The following AR variants were observed in gnomAD, a reference collection of about 807,000 sequenced individuals.
The protein encoded by AR is dihydrotestosterone receptor.
Under a neutral mutation model 53.9 loss-of-function variants are expected in AR, and 8 were observed. The ratio of observed to expected loss-of-function variants is 0.15; its 90% CI spans 0.09 to 0.27. The LOEUF (loss-of-function observed/expected upper bound fraction) is 0.27. Ranked by LOEUF, AR falls within the 10% of genes least tolerant of loss-of-function variation. The pLI is 1.00. For missense variants in AR, 639 were observed against 742.5 expected, an observed-to-expected ratio of 0.86 and a Z score of 1.62; for synonymous variants, 359 against 316.4, an observed-to-expected ratio of 1.13 and a Z score of -1.43.
intron 4 of AR, among the ~76,000 whole-genome samples, chrX:67,715,740 C>T (rs1445582468): frequency 1.8e-5 from 2 of 112,080 alleles, no homozygotes; most frequent in Non-Finnish European, 3.8e-5. Context: ...AAATAAGTGC[C>T]ACATCACCTA....
chrX:67,723,905 A>G lies in AR; in HGVS notation c.*64A>G. 1.7e-6 allele frequency: 2 copies of G among 1,167,708 alleles called. No homozygotes were observed. The highest frequency in any genetic ancestry group is 2.2e-5 in the Admixed American group (1 of 45,947). Reference sequence around the variant, plus strand: ...CCCTTTCAGATGTCTTCTGCCTGTTATAACTCTGCACTACTCCTCTGCAGT... The same window carrying G: ...CCCTTTCAGATGTCTTCTGCCTGTTGTAACTCTGCACTACTCCTCTGCAGT... On this transcript the variant is annotated 3_prime_UTR_variant, in exon 8 of 8. Transcript: ENST00000374690.
rs773313820 is a variant in AR, at chrX:67,589,269, C to CA, written c.1616+42525dup. ...TGGGCGACAGAGCGAGACTCCGTCTCAAAAAAAAAAAAAAAAAAGAAGTCC... is the reference window on the plus strand; with the variant it reads ...TGGGCGACAGAGCGAGACTCCGTCTCAAAAAAAAAAAAAAAAAAAGAAGTCC... On this transcript the variant is annotated intron_variant, in intron 1 of 7. Transcript: ENST00000374690. Among the ~76,000 whole-genome samples the CA allele has an allele frequency of 8.9e-3, 365 of 40,891 alleles. 3 individuals are homozygous for CA. The highest frequency in any genetic ancestry group is 0.026 in the East Asian group (33 of 1,280). 35.5% of individuals were successfully genotyped at this position (40,891 alleles called of 115,157 possible). A position where few individuals can be genotyped will look rare whatever the true frequency, so the allele number is the denominator to read the frequency against.
chrX:67,704,599 C>T (rs1207424306), intron 3 of AR, among the ~76,000 whole-genome samples: 5 of 111,615 alleles, frequency 4.5e-5, no homozygotes. Context: ...TGTAGGTTGC[C>T]TGTTCACTCT....
At chrX:67,574,452 G>A (rs1921959214) in intron 1 of AR, among the ~76,000 whole-genome samples, 1 of 110,689 alleles carries the variant, frequency 9.0e-6, no homozygotes, top group African/African-American at 3.3e-5. Context: ...GTTTGAACGT[G>A]TGCAGTCTCT....
intron 1 of AR, among the ~76,000 whole-genome samples, chrX:67,630,565 C>A (rs1218543993): frequency 9.1e-6 from 1 of 109,762 alleles, no homozygotes; most frequent in Admixed American, 9.7e-5. Flanking sequence ...CTGAATACAG[C>A]ACACTGATGG....
chrX:67,553,431 T>C (rs771369572), intron 1 of AR, among the ~76,000 whole-genome samples: 1 of 112,224 alleles, frequency 8.9e-6, no homozygotes, highest in Non-Finnish European at 1.9e-5. Flanking sequence ...CCTATGCCGG[T>C]ACCACGTTAT....
At position 67,724,382 on chromosome X, in the gene AR, C is replaced by T; in HGVS notation, c.*541C>T. Reference sequence around the variant, plus strand: ...ATAAATAAATACGTACATACATACACACATACATACAAACATATAGAAATC... The same window carrying T: ...ATAAATAAATACGTACATACATACATACATACATACAAACATATAGAAATC... On this transcript the variant is annotated 3_prime_UTR_variant, in exon 8 of 8. Coordinates refer to ENST00000374690, the MANE Select transcript of AR (RefSeq NM_000044.6). The T allele has an allele frequency of 5.7e-6, 1 of 175,261 alleles. No homozygotes were observed. Among genetic ancestry groups the T allele is most frequent in the Non-Finnish European group, 1.1e-5 (1 of 92,436 alleles). The allele number at this position is 175,261 out of a possible 1,213,427, so 14.4% of individuals were successfully genotyped here.
chrX:67,724,378 T>C lies in AR; in HGVS notation c.*537T>C. 5.6e-6 allele frequency: 1 copy of C among 177,585 alleles called. No individual in the cohort carries two copies. The highest frequency in any genetic ancestry group is 1.1e-5 in the Non-Finnish European group (1 of 93,079). The allele number at this position is 177,585 out of a possible 1,213,427, so 14.6% of individuals were successfully genotyped here. A position where few individuals can be genotyped will look rare whatever the true frequency, so the allele number is the denominator to read the frequency against. ...ATAAATAAATAAATACGTACATACA[T>C]ACACACATACATACAAACATATAGA... On this transcript the variant is annotated 3_prime_UTR_variant, in exon 8 of 8. Coordinates refer to ENST00000374690, the MANE Select transcript of AR (RefSeq NM_000044.6).
intron 2 of AR, among the ~76,000 whole-genome samples, chrX:67,657,678 A>G (rs188444024): frequency 5.0e-4 from 56 of 111,865 alleles, no homozygotes; most frequent in African/African-American, 1.7e-3. Context: ...CTTTCTGCTA[A>G]TGACTTTATT....
chrX:67,572,707 A>C (rs1032665983), intron 1 of AR, among the ~76,000 whole-genome samples: 5 of 111,228 alleles, frequency 4.5e-5, no homozygotes, highest in African/African-American at 1.6e-4. Flanking sequence ...TCGAGTTGTA[A>C]GTAGTAGATA....
At chrX:67,546,956 C>T (rs756683884) in intron 1 of AR, among the ~76,000 whole-genome samples, 194 bp downstream of exon 1, 1 of 110,271 alleles carries the variant, frequency 9.1e-6, no homozygotes, top group African/African-American at 3.3e-5. Context: ...ATTTCTGCTG[C>T]GTGCCCTGGG....
chrX:67,709,453 A>G (rs985914565), intron 3 of AR, among the ~76,000 whole-genome samples: 3 of 112,378 alleles, frequency 2.7e-5, no homozygotes, highest in African/African-American at 9.7e-5. Context: ...TGTGGGATAT[A>G]ATCTCCTGGT....
chrX:67,680,853 A>G, intron 2 of AR: 1 of 316,275 alleles, frequency 3.2e-6, no homozygotes, highest in Non-Finnish European at 6.1e-6. Flanking sequence ...CAAACTTGAA[A>G]GCTGTCTCAT....
In AR at chrX:67,728,574, AATATATAT is replaced by A. The variant is rs10666509; in HGVS notation, c.*4767_*4774del. The A allele has an allele frequency of 3.8e-3, 114 of 29,865 alleles. 1 individual carries two copies. Among genetic ancestry groups the A allele is most frequent in the South Asian group, 0.022 (6 of 270 alleles). 2.5% of individuals were successfully genotyped at this position (29,865 alleles called of 1,213,427 possible). ...ATTTGTATCCATGTTTCAAAATTGA[AATATATAT>A]ATATATATATATATATATATATATA... On this transcript the variant is annotated 3_prime_UTR_variant, in exon 8 of 8. Coordinates refer to ENST00000374690, the MANE Select transcript of AR (RefSeq NM_000044.6).
At chrX:67,554,915 CAA>C (rs749297941) in intron 1 of AR, among the ~76,000 whole-genome samples, 58 of 56,983 alleles carry the variant, frequency 1.0e-3, no homozygotes, top group Admixed American at 1.3e-3. Context: ...CAGGCTCCGT[CAA>C]AAAAAAAAAA....
chrX:67,710,772 G>A (rs1320406653), intron 3 of AR, among the ~76,000 whole-genome samples: 2 of 111,928 alleles, frequency 1.8e-5, no homozygotes, highest in African/African-American at 6.5e-5. Context: ...ACACTCCTTG[G>A]TGCTTTTGTT....
chrX:67,714,384 C>T (rs2076104798), intron 4 of AR, among the ~76,000 whole-genome samples: 1 of 111,990 alleles, frequency 8.9e-6, no homozygotes, highest in Non-Finnish European at 1.9e-5. Flanking sequence ...TATTATGAGA[C>T]TTGAATGCTA....
chrX:67,681,691 A>T (rs2075934779), intron 2 of AR, among the ~76,000 whole-genome samples: 1 of 112,559 alleles, frequency 8.9e-6, no homozygotes, highest in Admixed American at 9.4e-5. Context: ...GAAGGAAAGG[A>T]CATATAACAC....
chrX:67,636,612 A>G (rs1925448427), intron 1 of AR, among the ~76,000 whole-genome samples: 1 of 111,981 alleles, frequency 8.9e-6, no homozygotes, highest in Non-Finnish European at 1.9e-5. Flanking sequence ...CTGTTCCTGC[A>G]TGTGCCTCCT....
Sources: gnomAD v4.1 joint callset for allele counts (sites outside exome capture counted in the v4.1 genomes callset) on GRCh38, gnomAD v4.1.1 for gene constraint, MANE v1.5 for transcripts, NCBI Gene and HGNC (gene_info 2026-07-23, HGNC 2026-07-21) for gene names.